SARDH: variants seen among roughly 807,000 people sequenced by gnomAD.
SARDH encodes sarcosine dehydrogenase, also known as sarcosine dehydrogenase, mitochondrial.
A neutral mutation model predicts 109.1 loss-of-function variants in SARDH; 95 were observed. That is an observed-to-expected ratio of 0.87 (90% confidence interval 0.74 to 1.03). The LOEUF (loss-of-function observed/expected upper bound fraction) is 1.03, where lower values mean the gene tolerates loss of function less well. Ranked by LOEUF, SARDH falls within the 50% of genes least tolerant of loss-of-function variation. SARDH has a pLI of 0.00. For synonymous variants in SARDH, 572 were observed against 534.8 expected, an observed-to-expected ratio of 1.07 and a Z score of -0.96; for missense variants, 1,267 against 1,287.8, an observed-to-expected ratio of 0.98 and a Z score of 0.25.
chr9:133,709,446 G>T lies in SARDH; in HGVS notation c.1329-1018C>A, dbSNP rs954182975. Among the ~76,000 whole-genome samples, 13 of 152,118 alleles carry T rather than the reference G, an allele frequency of 8.5e-5. No individual in the cohort carries two copies. The highest frequency in any genetic ancestry group is 2.9e-4 in the African/African-American group (12 of 41,478). ...CGCACAAACCTCCCTGTCAGCCCCC[G>T]GCTTTCCCAGCACCCCGCCTCCCCC... On this transcript the variant is annotated intron_variant, in intron 10 of 20. Transcript: ENST00000439388. This position sits in a 1 kb window ranked among gnomAD's most constrained non-coding sequence, Gnocchi z 4.2.
chr9:133,696,109 G>A (rs778439910), intron 14 of SARDH, 114 bp downstream of exon 14: 7 of 1,305,184 alleles, frequency 5.4e-6, no homozygotes, highest in Non-Finnish European at 7.5e-6. Context: ...TGAGGGCAAG[G>A]AGCAGTGTGC....
chr9:133,701,474 C>T (rs576619640), intron 13 of SARDH, among the ~76,000 whole-genome samples: 5 of 152,386 alleles, frequency 3.3e-5, no homozygotes, highest in Admixed American at 2.6e-4. Context: ...CTCTAGCAGG[C>T]CGGGGAAGCT....
intron 19 of SARDH, chr9:133,667,092 A>C (rs1830100447): frequency 6.6e-6 from 4 of 607,974 alleles, no homozygotes; most frequent in Middle Eastern, 4.4e-4. Flanking sequence ...GATGAATAGA[A>C]AACATCAAAA....
In SARDH at chr9:133,711,854, G is replaced by A. The variant is rs12554854; in HGVS notation, c.1328+765C>T. 3.7e-3 allele frequency among the ~76,000 whole-genome samples: 558 copies of A among 152,284 alleles called. 18 individuals carry two copies. Among genetic ancestry groups the A allele is most frequent in the Admixed American group, 0.034 (515 of 15,308 alleles). ...CCCACAACGCACGGGGAGTGGCCCG[G>A]GCCACAGGCCCTGCTGTGTGGGTCG... On this transcript the variant is annotated intron_variant, in intron 10 of 20. Transcript: ENST00000439388.
rs113614788 is a variant in SARDH, at chr9:133,731,622, G to A, written c.511-138C>T. On this transcript the variant is annotated intron_variant, in intron 3 of 20. Coordinates refer to ENST00000439388, the MANE Select transcript of SARDH (RefSeq NM_001134707.2). ...CTTAGCCGGTCCCCACGCCCCCGGA[G>A]CCTGTCCCTTGAATCCGCTTCAGCA... 2,522 of 821,320 alleles carry A rather than the reference G, an allele frequency of 3.1e-3. 39 individuals are homozygous for A. In the African/African-American group the frequency reaches 0.037, roughly 12 times the overall value. 50.9% of individuals were successfully genotyped at this position (821,320 alleles called of 1,614,324 possible). A position where few individuals can be genotyped will look rare whatever the true frequency, so the allele number is the denominator to read the frequency against.
Position 133,734,165 on chromosome 9 carries a change from T to C in SARDH, c.9A>G (p.Ser3=). The C allele has an allele frequency of 6.3e-7, 1 of 1,591,992 alleles. No individual in the cohort carries two copies. The highest frequency in any genetic ancestry group is 1.1e-5 in the South Asian group (1 of 88,726). The change falls in exon 2 of 21, where the codon TCA becomes TCG. Residue 3 remains serine, a synonymous_variant. Transcript: ENST00000439388. The stretch of plus-strand genomic sequence containing the variant: ...CAGCCACACGTAGGGCTCGGCTCAG[T>C]GAGGCCATGGGGGCTCCAGGCCTCA... The part of the protein sequence containing the change: MA[S]LSRALRVAAA...
downstream of SARDH, among the ~76,000 whole-genome samples, chr9:133,659,556 G>C (rs1394834423): frequency 1.3e-5 from 2 of 152,218 alleles, no homozygotes; most frequent in African/African-American, 2.4e-5. Flanking sequence ...AGATGCACTT[G>C]TGTTCAGCCA....
intron 7 of SARDH, among the ~76,000 whole-genome samples, chr9:133,717,711 C>T (rs1832180700): frequency 1.3e-5 from 2 of 151,064 alleles, no homozygotes; most frequent in African/African-American, 2.4e-5. Context: ...CCCTTCCCTA[C>T]TCACAAGCCT....
At chr9:133,706,456 A>AT (rs1831700245) in intron 11 of SARDH, among the ~76,000 whole-genome samples, 1 of 152,138 alleles carries the variant, frequency 6.6e-6, no homozygotes, top group African/African-American at 2.4e-5. Context: ...GTGGGAGGAG[A>AT]TGAGGAAGGG....
At chr9:133,682,516 A>C (rs1310492413) in intron 17 of SARDH, among the ~76,000 whole-genome samples, 1 of 152,222 alleles carries the variant, frequency 6.6e-6, no homozygotes, top group East Asian at 1.9e-4. Flanking sequence ...TCCCAGCCAG[A>C]TGAGCTTCGT....
chr9:133,687,478 G>A (rs188118460), intron 16 of SARDH, among the ~76,000 whole-genome samples: 2 of 152,094 alleles, frequency 1.3e-5, no homozygotes, highest in Non-Finnish European at 2.9e-5. Context: ...ATAGGATCTC[G>A]CTATGTTGCT....
chr9:133,736,700 T>G (rs1327661619), intron 1 of SARDH, among the ~76,000 whole-genome samples: 2 of 152,174 alleles, frequency 1.3e-5, no homozygotes, highest in Non-Finnish European at 2.9e-5. Context: ...CCAGCCTAAA[T>G]TCTTTAAACT....
chr9:133,659,731 GCTT>G (rs1408216278), downstream of SARDH, among the ~76,000 whole-genome samples: 1 of 152,160 alleles, frequency 6.6e-6, no homozygotes, highest in Non-Finnish European at 1.5e-5. Context: ...ATAAATCACA[GCTT>G]CTTGTGGTCC....
chr9:133,711,381 G>T (rs1377588289), intron 10 of SARDH, among the ~76,000 whole-genome samples: 1 of 152,212 alleles, frequency 6.6e-6, no homozygotes, highest in African/African-American at 2.4e-5. Flanking sequence ...GTGACTTCAG[G>T]CAAGTCACCT....
Position 133,692,705 on chromosome 9 carries a change from C to T in SARDH, c.1921+1553G>A, listed in dbSNP as rs950317525. On this transcript the variant is annotated intron_variant, in intron 15 of 20. Transcript: ENST00000439388. The surrounding 1 kb of genome is among the most constrained non-coding windows in gnomAD (Gnocchi z 5.0). ...TCCCTGAAGCCCCACCGGCCTCCTT[C>T]ACCTCCTCCCGACCCTGGCTACCTG... Among the ~76,000 whole-genome samples, 7 of 152,158 alleles carry T rather than the reference C, an allele frequency of 4.6e-5. No individual in the cohort carries two copies. Among genetic ancestry groups the T allele is most frequent in the Admixed American group, 3.3e-4 (5 of 15,278 alleles).
intron 11 of SARDH, among the ~76,000 whole-genome samples, chr9:133,706,098 T>G (rs769004289): frequency 4.6e-5 from 7 of 152,220 alleles, no homozygotes; most frequent in Non-Finnish European, 8.8e-5. Flanking sequence ...GACCCAGCAA[T>G]TCCACTCCCA....
At chr9:133,721,160 A>C (rs534413445) in intron 6 of SARDH, among the ~76,000 whole-genome samples, 1 of 152,196 alleles carries the variant, frequency 6.6e-6, no homozygotes, top group Non-Finnish European at 1.5e-5. Context: ...TCACGCATTC[A>C]TATGGAAGGG....
At chr9:133,714,473 G>A (rs111293363) in intron 8 of SARDH, among the ~76,000 whole-genome samples, 2,301 of 152,316 alleles carry the variant, frequency 0.015, 71 homozygotes, top group African/African-American at 0.052. Context: ...AGAAGGTGAC[G>A]ATGGGGCAGA....
At chr9:133,676,871 G>A (rs1830530008) in intron 17 of SARDH, among the ~76,000 whole-genome samples, 1 of 152,228 alleles carries the variant, frequency 6.6e-6, no homozygotes, top group Non-Finnish European at 1.5e-5. Context: ...GGGCGCAGTG[G>A]CTCACGCCTG....
Sources: allele counts gnomAD v4.1 joint callset (sites outside exome capture counted in the v4.1 genomes callset), GRCh38; gene constraint gnomAD v4.1.1; non-coding constraint Gnocchi (gnomAD v3.1); transcripts MANE v1.5; gene names NCBI Gene and HGNC (gene_info 2026-07-23, HGNC 2026-07-21).